The following CMTM7 variants were observed in gnomAD, a reference collection of about 807,000 sequenced individuals.
The protein encoded by CMTM7 is CKLF like MARVEL transmembrane domain containing 7.
CMTM7 carries 7 observed loss-of-function variants against 19.3 expected under a neutral mutation model. The observed-to-expected ratio is 0.36, with a 90% CI of 0.21 to 0.68. The LOEUF is 0.68. Among genes scored for constraint, CMTM7 ranks in the 30% least tolerant of loss-of-function variants. The probability of loss-of-function intolerance (pLI) is 0.60; values close to 1 mark genes in which losing one functional copy is unlikely to be tolerated. For synonymous variants in CMTM7, 87 were observed against 99.3 expected, an observed-to-expected ratio of 0.88 and a Z score of 0.74; for missense variants, 193 against 232.6, an observed-to-expected ratio of 0.83 and a Z score of 1.11.
intron 1 of CMTM7, among the ~76,000 whole-genome samples, chr3:32,430,717 C>T (rs369679889): frequency 3.6e-5 from 1 of 27,882 alleles, no homozygotes; most frequent in African/African-American, 1.0e-4. Flanking sequence ...GTGTGTGTGA[C>T]ACAGCTCTCC....
intron 2 of CMTM7, 39 bp downstream of exon 2, chr3:32,442,052 G>T (rs1559413662): frequency 6.3e-7 from 1 of 1,591,962 alleles, no homozygotes; most frequent in Non-Finnish European, 8.6e-7. Context: ...GCATGCACAA[G>T]TCAGGATGTT....
intron 1 of CMTM7, among the ~76,000 whole-genome samples, chr3:32,423,684 G>A (rs944927175): frequency 6.6e-6 from 1 of 152,228 alleles, no homozygotes; most frequent in Non-Finnish European, 1.5e-5. Context: ...GGAGGTGGGG[G>A]TTTATCAAGC....
intron 1 of CMTM7, among the ~76,000 whole-genome samples, chr3:32,414,743 G>T (rs566380023): frequency 4.5e-4 from 69 of 152,336 alleles, no homozygotes; most frequent in Non-Finnish European, 8.4e-4. Context: ...CAGGGACCCA[G>T]TGAGAGTTTT....
At chr3:32,423,327 G>A (rs562939774) in intron 1 of CMTM7, among the ~76,000 whole-genome samples, 6 of 152,318 alleles carry the variant, frequency 3.9e-5, no homozygotes, top group African/African-American at 1.4e-4. Flanking sequence ...CTGAAGAGTG[G>A]CCACATTTCA....
At chr3:32,416,030 A>G (rs1186415119) in intron 1 of CMTM7, among the ~76,000 whole-genome samples, 2 of 152,220 alleles carry the variant, frequency 1.3e-5, no homozygotes, top group Non-Finnish European at 2.9e-5. Flanking sequence ...TGATGAAGAA[A>G]GACTATTGGG....
At chr3:32,450,259 A>T (rs1304430942) in intron 3 of CMTM7, among the ~76,000 whole-genome samples, 1 of 152,166 alleles carries the variant, frequency 6.6e-6, no homozygotes, top group Non-Finnish European at 1.5e-5. Flanking sequence ...ACAAGATTTT[A>T]AAAATGAGTT....
rs1472586382 is a variant in CMTM7 at position 32,449,436 on chromosome 3, CT to C, written c.334-15del. ...ATGGACGGCCCTACCCACTTATTTG[CT>C]TTGTTTCTGCCCCCAGGAACTTCTG... On this transcript the variant is annotated splice_polypyrimidine_tract_variant and intron_variant, in intron 2 of 4. Transcript: ENST00000334983. The surrounding 1 kb of genome is among the most constrained non-coding windows in gnomAD (Gnocchi z 4.5). 7 of 1,589,522 alleles carry C rather than the reference CT, an allele frequency of 4.4e-6. No homozygotes were observed. In the East Asian group the frequency reaches 1.3e-4, roughly 30 times the overall value.
chr3:32,392,764 G>A (rs75777134), intron 1 of CMTM7, among the ~76,000 whole-genome samples: 2,137 of 152,294 alleles, frequency 0.014, 64 homozygotes, highest in African/African-American at 0.049. Flanking sequence ...TGTTGAATGG[G>A]AGTCACCCGT....
At chr3:32,410,723 G>T (rs3853719) in intron 1 of CMTM7, among the ~76,000 whole-genome samples, 1 of 152,116 alleles carries the variant, frequency 6.6e-6, no homozygotes, top group Non-Finnish European at 1.5e-5. Context: ...TGCAGTTTTC[G>T]TAGTAGCTGT....
rs1354989034 is a variant in CMTM7 at position 32,454,534 on chromosome 3, C to T, written c.*280C>T. The T allele has an allele frequency of 3.0e-6, 2 of 663,324 alleles. No individual in the cohort carries two copies. Among genetic ancestry groups the T allele is most frequent in the African/African-American group, 1.8e-5 (1 of 56,478 alleles). The allele number at this position is 663,324 out of a possible 1,614,324, so 41.1% of individuals were successfully genotyped here. A position where few individuals can be genotyped will look rare whatever the true frequency, so the allele number is the denominator to read the frequency against. ...GTTTTCTGCCTTCCTGCTTCTAGAA[C>T]CACCTCAGGTACTGATGAACCCCAC... is the stretch of plus-strand genomic sequence containing the variant. On this transcript the variant is annotated 3_prime_UTR_variant, in exon 5 of 5. Transcript: ENST00000334983.
intron 1 of CMTM7, among the ~76,000 whole-genome samples, chr3:32,429,862 T>C (rs1247848836): frequency 1.3e-5 from 2 of 152,084 alleles, no homozygotes; most frequent in South Asian, 2.1e-4. Flanking sequence ...GCCTCCCAAA[T>C]TGCTGGGATT....
rs147156535 is a variant in CMTM7, at chr3:32,396,391, C to G, written c.159+4326C>G. Among the ~76,000 whole-genome samples, 687 of 152,146 alleles carry G rather than the reference C, an allele frequency of 4.5e-3. 7 individuals carry two copies. The highest frequency in any genetic ancestry group is 0.015 in the African/African-American group (634 of 41,492). On this transcript the variant is annotated intron_variant, in intron 1 of 4. Transcript: ENST00000334983. ...ATGTGGTGGCAGGTGCCTGTAATCC[C>G]AGCTACTGGGGAAGCTGAGGCAGGA...
At chr3:32,393,471 G>A (rs1695870100) in intron 1 of CMTM7, among the ~76,000 whole-genome samples, 1 of 152,138 alleles carries the variant, frequency 6.6e-6, no homozygotes, top group Non-Finnish European at 1.5e-5. Flanking sequence ...GGATGAGTTT[G>A]GTAGACAGAG....
Position 32,449,572 on chromosome 3 carries a change from C to G in CMTM7, c.432+20C>G. On this transcript the variant is annotated intron_variant, in intron 3 of 4. Coordinates refer to ENST00000334983, the MANE Select transcript of CMTM7 (RefSeq NM_138410.4). This position sits in a 1 kb window ranked among gnomAD's most constrained non-coding sequence, Gnocchi z 4.5. ...GGAGCGGTGAGGATGTTTTGGGGAG[C>G]CTTTAGGAATGAATTCTTATTTAAA... 6.4e-7 allele frequency: 1 copy of G among 1,570,634 alleles called. No homozygotes were observed. Among genetic ancestry groups the G allele is most frequent in the South Asian group, 1.1e-5 (1 of 90,142 alleles).
intron 1 of CMTM7, among the ~76,000 whole-genome samples, chr3:32,396,532 T>C (rs939762711): frequency 4.0e-5 from 6 of 151,766 alleles, no homozygotes; most frequent in Non-Finnish European, 7.4e-5. Context: ...AACAACAAAA[T>C]TGGTGATGGT....
chr3:32,449,417 G>C lies in CMTM7; in HGVS notation c.334-37G>C, dbSNP rs200156694. 15 of 1,416,274 alleles carry C rather than the reference G, an allele frequency of 1.1e-5. No individual in the cohort carries two copies. The South Asian group carries it at 1.6e-4, about 15-fold the overall frequency. 87.7% of individuals were successfully genotyped at this position (1,416,274 alleles called of 1,614,324 possible). Reference sequence around the variant, plus strand: ...TGCTCTTCCCGGACCAGAAATGGACGGCCCTACCCACTTATTTGCTTTGTT... The same window carrying C: ...TGCTCTTCCCGGACCAGAAATGGACCGCCCTACCCACTTATTTGCTTTGTT... On this transcript the variant is annotated intron_variant, in intron 2 of 4. Transcript: ENST00000334983. This position sits in a 1 kb window ranked among gnomAD's most constrained non-coding sequence, Gnocchi z 4.5.
intron 1 of CMTM7, among the ~76,000 whole-genome samples, chr3:32,396,111 T>C (rs982252568): frequency 6.6e-6 from 1 of 152,010 alleles, no homozygotes; most frequent in Non-Finnish European, 1.5e-5. Flanking sequence ...AAAAATAGAT[T>C]AGTGGTTGCC....
chr3:32,396,157 G>A (rs1470157850), intron 1 of CMTM7, among the ~76,000 whole-genome samples: 1 of 152,124 alleles, frequency 6.6e-6, no homozygotes, highest in Non-Finnish European at 1.5e-5. Flanking sequence ...GAAATGGGAC[G>A]TGACTGCTGT....
At chr3:32,396,176 T>C (rs1055406348) in intron 1 of CMTM7, among the ~76,000 whole-genome samples, 5 of 152,008 alleles carry the variant, frequency 3.3e-5, no homozygotes, top group Admixed American at 2.0e-4. Context: ...GTAAGGGGTA[T>C]GGGGTTTCTT....
Sources: allele counts gnomAD v4.1 joint callset (sites outside exome capture counted in the v4.1 genomes callset), GRCh38; gene constraint gnomAD v4.1.1; non-coding constraint Gnocchi (gnomAD v3.1); transcripts MANE v1.5; gene names NCBI Gene and HGNC (gene_info 2026-07-23, HGNC 2026-07-21).